Variants in ARID1B observed in about 807,000 individuals in gnomAD.
ARID1B encodes the protein AT-rich interactive domain-containing protein 1B.
A neutral mutation model predicts 212.3 loss-of-function variants in ARID1B; 30 were observed. The ratio of observed to expected loss-of-function variants is 0.14; its 90% CI spans 0.11 to 0.19. The LOEUF (loss-of-function observed/expected upper bound fraction) is 0.19. Among genes scored for constraint, ARID1B ranks in the 10% least tolerant of loss-of-function variants. The pLI, the probability that ARID1B is intolerant of heterozygous loss-of-function variation, is 1.00. For missense variants in ARID1B, 2,891 were observed against 3,204.0 expected (o/e 0.90, Z 2.36); for synonymous variants, 1,402 against 1,301.7 (o/e 1.08, Z -1.66).
intron 1 of ARID1B, among the ~76,000 whole-genome samples, chr6:156,817,491 G>A (rs1290306089): frequency 2.0e-5 from 3 of 151,876 alleles, no homozygotes; most frequent in Non-Finnish European, 4.4e-5. Context: ...TTAGCCAGGT[G>A]TAGTAGCACA....
intron 4 of ARID1B, among the ~76,000 whole-genome samples, chr6:156,993,431 G>C (rs1778388422): frequency 6.6e-6 from 1 of 152,170 alleles, no homozygotes; most frequent in African/African-American, 2.4e-5. Context: ...AAAGTATTCT[G>C]CTAGCTCAGT....
At chr6:156,887,762 GA>G (rs71268479) in intron 2 of ARID1B, among the ~76,000 whole-genome samples, 1 of 149,784 alleles carries the variant, frequency 6.7e-6, no homozygotes, top group South Asian at 2.1e-4. Context: ...TCTTTCATTT[GA>G]AAAAAAAAGA....
chr6:157,051,833 G>C (rs2128379017), intron 4 of ARID1B, among the ~76,000 whole-genome samples: 1 of 152,162 alleles, frequency 6.6e-6, no homozygotes, highest in East Asian at 1.9e-4. Flanking sequence ...ATGGAGAGTG[G>C]TATATTTCTT....
At chr6:157,100,725 C>T (rs766940620) in intron 5 of ARID1B, among the ~76,000 whole-genome samples, 4 of 152,164 alleles carry the variant, frequency 2.6e-5, no homozygotes, top group Non-Finnish European at 2.9e-5. Context: ...ACCATCTTAC[C>T]ATACTCTAGC....
intron 7 of ARID1B, among the ~76,000 whole-genome samples, chr6:157,134,399 T>C (rs537929744): frequency 6.6e-6 from 1 of 152,374 alleles, no homozygotes; most frequent in South Asian, 2.1e-4. Context: ...ATATTTACTT[T>C]CCAAATATTT....
In ARID1B at chr6:157,200,303, C is replaced by G. The variant is rs1484437686; in HGVS notation, c.4480-402C>G. 6.6e-6 allele frequency among the ~76,000 whole-genome samples: 1 copy of G among 152,112 alleles called. No individual in the cohort carries two copies. Among genetic ancestry groups the G allele is most frequent in the Non-Finnish European group, 1.5e-5 (1 of 68,008 alleles). On this transcript the variant is annotated intron_variant, in intron 17 of 19. Transcript: ENST00000636930. The surrounding 1 kb of genome is among the most constrained non-coding windows in gnomAD (Gnocchi z 4.3). ...CCAAGAAACCCTTTTACCCCAAGAC[C>G]CTTTCAGGCCGGCCCCTGGATGCTG...
At position 156,779,357 on chromosome 6, in the gene ARID1B, C is replaced by T. The variant is rs2115003401; in HGVS notation, c.1677C>T (p.Gly559=). 1.6e-6 allele frequency: 2 copies of T among 1,276,954 alleles called. No individual in the cohort carries two copies. The highest frequency in any genetic ancestry group is 2.0e-5 in the South Asian group (1 of 49,548). 79.1% of individuals were successfully genotyped at this position (1,276,954 alleles called of 1,614,324 possible). A position where few individuals can be genotyped will look rare whatever the true frequency, so the allele number is the denominator to read the frequency against. ...AGGCGGCCGCGGGCATGGGCTTGGG[C>T]AAGGACATGGGCGCCCAGTACGCCG... is the stretch of plus-strand genomic sequence containing the variant. ...GQQAAAGMGL[G]KDMGAQYAAA... is the part of the protein sequence containing the mutation. Residue 559 remains glycine (G), a synonymous_variant, in exon 1 of 20, where the codon GGC becomes GGT. Transcript: ENST00000636930.
At chr6:156,893,045 C>CTTTTTTTTTTTCTTTTTTTT (rs1788072434) in intron 2 of ARID1B, among the ~76,000 whole-genome samples, 1 of 85,924 alleles carries the variant, frequency 1.2e-5, no homozygotes, top group Admixed American at 1.2e-4. Flanking sequence ...TTTTTTCTTC[C>CTTTTTTTTTTTCTTTTTTTT]TTTTTTTTTT....
chr6:157,124,655 C>T (rs1788014323), intron 6 of ARID1B, among the ~76,000 whole-genome samples: 1 of 152,064 alleles, frequency 6.6e-6, no homozygotes, highest in South Asian at 2.1e-4. Context: ...TATCAGAGTG[C>T]ACTGTACATA....
At chr6:157,039,770 T>G (rs1781700899) in intron 4 of ARID1B, among the ~76,000 whole-genome samples, 1 of 131,664 alleles carries the variant, frequency 7.6e-6, no homozygotes, top group Admixed American at 7.5e-5. Flanking sequence ...CCTTCCTACC[T>G]ACCTACCTTC....
rs376956602 is a variant in ARID1B, at chr6:157,092,271, G to C, written c.2491+7366G>C. Among the ~76,000 whole-genome samples, 141 of 152,334 alleles carry C rather than the reference G, an allele frequency of 9.3e-4. 2 individuals are homozygous for C. In the South Asian group the frequency reaches 0.027, roughly 29 times the overall value. The stretch of plus-strand genomic sequence containing the variant: ...ATATTTTGTCTTTTTGAGAGACGGG[G>C]TTGCATCTCTGTATGGCTTAGTTAT... On this transcript the variant is annotated intron_variant, in intron 5 of 19. Coordinates refer to ENST00000636930, the MANE Select transcript of ARID1B (RefSeq NM_001374828.1).
chr6:157,085,644 A>AT (rs1562605514), intron 5 of ARID1B, among the ~76,000 whole-genome samples: 1 of 152,098 alleles, frequency 6.6e-6, no homozygotes, highest in African/African-American at 2.4e-5. Flanking sequence ...AATTCATTCT[A>AT]TCCTTCCAAA....
intron 4 of ARID1B, among the ~76,000 whole-genome samples, chr6:156,979,864 C>T (rs1777501779): frequency 6.6e-6 from 1 of 151,874 alleles, no homozygotes; most frequent in African/African-American, 2.4e-5. Flanking sequence ...CCTGTTCCTT[C>T]CTTTTTTAAA....
intron 4 of ARID1B, among the ~76,000 whole-genome samples, chr6:157,034,845 A>G (rs77868468): frequency 1.3e-5 from 2 of 152,258 alleles, no homozygotes; most frequent in African/African-American, 4.8e-5. Context: ...ACTAGGGTAC[A>G]TATATATGTA....
chr6:157,129,087 G>T (rs1267119265), intron 6 of ARID1B, among the ~76,000 whole-genome samples: 1 of 152,218 alleles, frequency 6.6e-6, no homozygotes, highest in Non-Finnish European at 1.5e-5. Flanking sequence ...CAAGTGAAAA[G>T]ATATTTTTGG....
intron 17 of ARID1B, among the ~76,000 whole-genome samples, chr6:157,199,881 G>T (rs931737536): frequency 1.3e-5 from 2 of 151,986 alleles, no homozygotes; most frequent in Non-Finnish European, 2.9e-5. Flanking sequence ...TGGCCAGGCT[G>T]GTCTTGAACT....
chr6:156,779,394 G>C lies in ARID1B; in HGVS notation c.1714G>C (p.Ala572Pro). ...MGAQYAAASP[A>P]WAAAQQRSHP... ...CGCCCAGTACGCCGCTGCCAGCCCG[G>C]CCTGGGCGGCCGCGCAACAAAGGAG... Residue 572 changes from alanine (A) to proline (P), a missense_variant, in exon 1 of 20, where the codon GCC becomes CCC. Coordinates refer to ENST00000636930, the MANE Select transcript of ARID1B (RefSeq NM_001374828.1). 1 of 1,428,226 alleles carries C rather than the reference G, an allele frequency of 7.0e-7. No individual in the cohort carries two copies. Among genetic ancestry groups the C allele is most frequent in the Non-Finnish European group, 9.2e-7 (1 of 1,086,118 alleles). The allele number at this position is 1,428,226 out of a possible 1,614,324, so 88.5% of individuals were successfully genotyped here. A position where few individuals can be genotyped will look rare whatever the true frequency, so the allele number is the denominator to read the frequency against.
intron 6 of ARID1B, among the ~76,000 whole-genome samples, chr6:157,123,039 G>A (rs951134714): frequency 4.6e-5 from 7 of 152,066 alleles, no homozygotes; most frequent in African/African-American, 1.7e-4. Flanking sequence ...AAAACCTAAT[G>A]GGTTGTTTCA....
chr6:157,047,645 C>T (rs1212622952), intron 4 of ARID1B, among the ~76,000 whole-genome samples: 1 of 152,214 alleles, frequency 6.6e-6, no homozygotes, highest in Non-Finnish European at 1.5e-5. Context: ...AGGAATTAAA[C>T]ATGGCCTCAC....
Sources: allele counts gnomAD v4.1 joint callset (sites outside exome capture counted in the v4.1 genomes callset), GRCh38; gene constraint gnomAD v4.1.1; non-coding constraint Gnocchi (gnomAD v3.1); transcripts MANE v1.5; gene names NCBI Gene and HGNC (gene_info 2026-07-23, HGNC 2026-07-21).